CAST: variants seen among roughly 807,000 people sequenced by gnomAD.
CAST encodes MIR583 host.
A neutral mutation model predicts 119.6 loss-of-function variants in CAST; 76 were observed. The observed-to-expected ratio is 0.64, with a 90% confidence interval of 0.53 to 0.77. The LOEUF is 0.77. Among genes scored for constraint, CAST ranks in the 30% least tolerant of loss-of-function variants. CAST has a pLI of 0.00. For missense variants in CAST, 953 were observed against 946.5 expected (o/e 1.01, Z -0.09); for synonymous variants, 319 against 331.6 (o/e 0.96, Z 0.41).
the CAST span, among the ~76,000 whole-genome samples, chr5:96,038,329 A>G: frequency 6.6e-6 from 1 of 152,096 alleles, no homozygotes; most frequent in Admixed American, 6.6e-5. Context: ...TTTTATGTAG[A>G]TATTGCATCC....
upstream of CAST, among the ~76,000 whole-genome samples, chr5:96,659,823 C>T (rs111679619): frequency 8.8e-3 from 1,341 of 152,296 alleles, 20 homozygotes; most frequent in African/African-American, 0.031. Flanking sequence ...AGCCACCGCA[C>T]CATCTATATT....
At chr5:96,756,790 T>C (rs1409861410) in intron 22 of CAST, among the ~76,000 whole-genome samples, 1 of 152,202 alleles carries the variant, frequency 6.6e-6, no homozygotes, top group Non-Finnish European at 1.5e-5. Flanking sequence ...TTACTATTAG[T>C]ATATAGATCT....
rs556570054 is a variant in CAST, at chr5:96,543,513, A to G, written c.60+13633A>G. The stretch of plus-strand genomic sequence containing the variant: ...GTATACCTATGTAACGAACCTGCAC[A>G]TTCTGCACATGTACCCCGGAACTTA... On this transcript the variant is annotated intron_variant, in intron 1 of 11. Transcript: ENST00000505143. Among the ~76,000 whole-genome samples the G allele has an allele frequency of 1.8e-3, 272 of 152,338 alleles. 2 individuals are homozygous for G. Among genetic ancestry groups the G allele is most frequent in the African/African-American group, 6.1e-3 (254 of 41,582 alleles).
chr5:96,632,506 A>G (rs1747833884), intron 1 of CAST, among the ~76,000 whole-genome samples: 1 of 152,104 alleles, frequency 6.6e-6, no homozygotes, highest in Admixed American at 6.5e-5. Flanking sequence ...TCTTATCTAA[A>G]AAACCATTTG....
At chr5:96,640,960 T>C (rs896993937) in intron 1 of CAST, among the ~76,000 whole-genome samples, 3 of 152,170 alleles carry the variant, frequency 2.0e-5, no homozygotes, top group Admixed American at 6.5e-5. Context: ...CACTCCACAA[T>C]GCTATATAAT....
At chr5:96,168,572 A>G in the CAST span, among the ~76,000 whole-genome samples, 1 of 152,140 alleles carries the variant, frequency 6.6e-6, no homozygotes, top group Non-Finnish European at 1.5e-5. Flanking sequence ...ATAGATGTGG[A>G]AGATACTATA....
At chr5:96,133,499 A>T in the CAST span, among the ~76,000 whole-genome samples, 8 of 152,304 alleles carry the variant, frequency 5.3e-5, no homozygotes, top group East Asian at 1.5e-3. Context: ...ATTCTTTACG[A>T]CATGAGAGGG....
At chr5:96,509,509 C>T in the CAST span, among the ~76,000 whole-genome samples, 1 of 152,134 alleles carries the variant, frequency 6.6e-6, no homozygotes, top group Admixed American at 6.5e-5. Flanking sequence ...GTTACCTCGA[C>T]AACAAAAGGT....
chr5:96,347,145 G>T, the CAST span, among the ~76,000 whole-genome samples: 1 of 152,130 alleles, frequency 6.6e-6, no homozygotes, highest in Non-Finnish European at 1.5e-5. Flanking sequence ...AGGAGGCCCA[G>T]TGTGCCAGCC....
chr5:96,326,070 T>G, the CAST span, among the ~76,000 whole-genome samples: 1 of 152,222 alleles, frequency 6.6e-6, no homozygotes, highest in South Asian at 2.1e-4. Context: ...ACCAAGAACT[T>G]GGATATCATC....
At chr5:96,125,517 C>A in the CAST span, among the ~76,000 whole-genome samples, 1 of 152,086 alleles carries the variant, frequency 6.6e-6, no homozygotes, top group East Asian at 1.9e-4. Context: ...AGTTTGCCTG[C>A]CTGACTTTGA....
chr5:96,019,701 A>G, the CAST span, among the ~76,000 whole-genome samples: 1 of 152,274 alleles, frequency 6.6e-6, no homozygotes, highest in Non-Finnish European at 1.5e-5. Context: ...CCATAAATTC[A>G]TGTTCTACTT....
chr5:96,075,088 G>A, the CAST span, among the ~76,000 whole-genome samples: 1 of 152,228 alleles, frequency 6.6e-6, no homozygotes, highest in East Asian at 1.9e-4. Flanking sequence ...TGTTTGCTTT[G>A]GTCTTAAAGA....
In CAST at chr5:96,691,373, G is replaced by A. The variant is rs147128288; in HGVS notation, c.139-4463G>A. 1.7e-3 allele frequency among the ~76,000 whole-genome samples: 258 copies of A among 152,248 alleles called. 1 individual carries two copies. Among genetic ancestry groups the A allele is most frequent in the African/African-American group, 6.1e-3 (254 of 41,558 alleles). ...CAAACTGTTTCCAAGTAACTTAACA[G>A]TATCCCATTATTAGAATCATGAGCT... On this transcript the variant is annotated intron_variant, in intron 2 of 31. Transcript: ENST00000675179.
chr5:96,536,019 TAAATATTTAAGG>T (rs1745804944), intron 1 of CAST, among the ~76,000 whole-genome samples: 1 of 147,848 alleles, frequency 6.8e-6, no homozygotes, highest in African/African-American at 2.5e-5. Context: ...AACCATATGT[TAAATATTTAAGG>T]TTTTTTTTTT....
chr5:95,962,721 T>C, the CAST span, among the ~76,000 whole-genome samples: 5 of 152,100 alleles, frequency 3.3e-5, no homozygotes, highest in African/African-American at 9.7e-5. Context: ...GGGGATGATA[T>C]CTCCTTAAAA....
chr5:96,676,075 T>C (rs1289148928), intron 2 of CAST: 1 of 152,928 alleles, frequency 6.5e-6, no homozygotes, highest in Non-Finnish European at 1.5e-5. Flanking sequence ...TAAAACCAAA[T>C]CTCCCCACTT....
intron 1 of CAST, among the ~76,000 whole-genome samples, chr5:96,586,920 T>C (rs1746870904): frequency 6.6e-6 from 1 of 152,180 alleles, no homozygotes; most frequent in Admixed American, 6.5e-5. Context: ...ATGGAGCATT[T>C]TTATCTCCGT....
the CAST span, among the ~76,000 whole-genome samples, chr5:96,355,396 A>G: frequency 1.3e-5 from 2 of 152,154 alleles, no homozygotes; most frequent in Non-Finnish European, 1.5e-5. Flanking sequence ...TCTGTGGTAT[A>G]TATTTGCCAC....
Sources: gnomAD v4.1 joint callset for allele counts (sites outside exome capture counted in the v4.1 genomes callset) on GRCh38, gnomAD v4.1.1 for gene constraint, MANE v1.5 for transcripts, NCBI Gene and HGNC (gene_info 2026-07-23, HGNC 2026-07-21) for gene names.